TOMT: variants seen among roughly 807,000 people sequenced by gnomAD.
The protein encoded by TOMT is transmembrane O-methyltransferase.
In TOMT, 23 loss-of-function variants were observed where a neutral mutation model predicts 21.7. That is an observed-to-expected ratio of 1.06 (90% CI 0.76 to 1.50). The LOEUF (loss-of-function observed/expected upper bound fraction) is 1.50. Among genes scored for constraint, TOMT ranks in the 40% most tolerant of loss-of-function variants. TOMT has a pLI of 0.00. For synonymous variants in TOMT, 132 were observed against 150.8 expected (o/e 0.88, Z 0.91); for missense variants, 331 against 348.7 (o/e 0.95, Z 0.41).
chr11:72,109,087 C>A, exon 3 of TOMT: 1 of 636,182 alleles, frequency 1.6e-6, no homozygotes, highest in Non-Finnish European at 2.7e-6. Context: ...CTACACTGAC[C>A]TCAAGTGTCA....
At chr11:72,107,580 C>T (rs1945806455) in intron 1 of TOMT, 1 of 699,720 alleles carries the variant, frequency 1.4e-6, no homozygotes, top group Non-Finnish European at 2.6e-6. Flanking sequence ...ATACAGGCCA[C>T]AGGTGGGAAG....
chr11:72,106,132 G>A (rs1162451709), exon 1 of TOMT: 1 of 1,543,944 alleles, frequency 6.5e-7, no homozygotes, highest in East Asian at 2.5e-5. Flanking sequence ...CCTGCCCGGT[G>A]ACCCTGGTCA....
chr11:72,108,016 G>A (rs373795090), exon 2 of TOMT: 44 of 1,551,568 alleles, frequency 2.8e-5, no homozygotes, highest in South Asian at 1.9e-4. Context: ...CTTATTGCCC[G>A]AGCCCTGCCC....
chr11:72,107,873 G>T, intron 1 of TOMT, 50 bp from the exon 2 acceptor site: 1 of 1,542,696 alleles, frequency 6.5e-7, no homozygotes, highest in Non-Finnish European at 8.8e-7. Flanking sequence ...TTTATCAGGG[G>T]CCCTGCATCC....
intron 1 of TOMT, among the ~76,000 whole-genome samples, 158 bp from the exon 2 acceptor site, chr11:72,107,765 C>T (rs1047595090): frequency 1.8e-4 from 28 of 152,104 alleles, no homozygotes; most frequent in African/African-American, 6.8e-4. Flanking sequence ...CTGTAGGAGA[C>T]GGGGACCAGG....
intron 2 of TOMT, 130 bp downstream of exon 2, chr11:72,108,249 T>G (rs897534057): frequency 2.6e-6 from 2 of 775,054 alleles, no homozygotes; most frequent in African/African-American, 3.5e-5. Context: ...CTGGATGGTG[T>G]GTGAGCTCCT....
chr11:72,106,165 T>C lies in TOMT; in HGVS notation c.214T>C (p.Trp72Arg), dbSNP rs137853186. 1 of 1,523,676 alleles carries C rather than the reference T, an allele frequency of 6.6e-7. No individual in the cohort carries two copies. The highest frequency in any genetic ancestry group is 8.8e-7 in the Non-Finnish European group (1 of 1,131,226). 94.4% of individuals were successfully genotyped at this position (1,523,676 alleles called of 1,614,324 possible). A position where few individuals can be genotyped will look rare whatever the true frequency, so the allele number is the denominator to read the frequency against. Residue 72 changes from tryptophan (W) to arginine (R), a missense_variant, in exon 1 of 3, where the codon TGG becomes CGG. Coordinates refer to ENST00000541899, the Ensembl canonical transcript of TOMT. ...TCACATCCTCACCACCCTGGACCACTGGAGCAGCCGCTGCGAGTACTTGAG... is the reference window on the plus strand; with the variant it reads ...TCACATCCTCACCACCCTGGACCACCGGAGCAGCCGCTGCGAGTACTTGAG...
At chr11:72,108,635 G>C in exon 3 of TOMT, 1 of 1,495,734 alleles carries the variant, frequency 6.7e-7, no homozygotes. Flanking sequence ...CTCAGAGGAC[G>C]TGATCCCGTG....
intron 1 of TOMT, chr11:72,107,556 T>C (rs1333048734): frequency 2.8e-6 from 2 of 702,260 alleles, no homozygotes; most frequent in Non-Finnish European, 5.2e-6. Flanking sequence ...GCACAGTTGT[T>C]TGGGATGGCT....
chr11:72,108,012 G>A (rs759846282), exon 2 of TOMT: 1 of 1,551,640 alleles, frequency 6.4e-7, no homozygotes, highest in South Asian at 1.2e-5. Flanking sequence ...CCTGCTTATT[G>A]CCCGAGCCCT....
At chr11:72,106,317 T>C (rs1305582504) in intron 1 of TOMT, 107 bp downstream of exon 1, 1 of 1,214,698 alleles carries the variant, frequency 8.2e-7, no homozygotes, top group African/African-American at 1.5e-5. Context: ...TTCTTGATCC[T>C]CTTTTAGGGC....
chr11:72,108,603 A>T lies in TOMT; in HGVS notation c.457-2A>T, dbSNP rs1591193815. On this transcript the variant is annotated splice_acceptor_variant, in intron 2 of 2. Coordinates refer to ENST00000541899, the Ensembl canonical transcript of TOMT. LOFTEE classifies it high-confidence loss of function. ...CACCTCCAGCTCCCCCTATCCCCAC[A>T]GGTGGAGCTCATCGTGGGCAGCTCA... 5 of 1,451,360 alleles carry T rather than the reference A, an allele frequency of 3.4e-6. No homozygotes were observed. In the East Asian group the frequency reaches 1.3e-4, roughly 37 times the overall value. 89.9% of individuals were successfully genotyped at this position (1,451,360 alleles called of 1,614,324 possible). A position where few individuals can be genotyped will look rare whatever the true frequency, so the allele number is the denominator to read the frequency against.
chr11:72,109,009 G>A (rs1946047132), exon 3 of TOMT: 2 of 1,258,058 alleles, frequency 1.6e-6, no homozygotes, highest in South Asian at 3.1e-5. Context: ...TTTCCTGTTT[G>A]GGGCCTTGAC....
chr11:72,108,241 G>A lies in TOMT; in HGVS notation c.456+122G>A, dbSNP rs114709976. On this transcript the variant is annotated intron_variant, in intron 2 of 2. Transcript: ENST00000541899. ...CCTCCACTCTGGGGACTGTGATGCT[G>A]GATGGTGTGTGAGCTCCTGCCCTCC... 2.1e-3 allele frequency: 1,876 copies of A among 875,062 alleles called. 21 individuals are homozygous for A. The African/African-American group carries it at 0.028, about 13-fold the overall frequency. The allele number at this position is 875,062 out of a possible 1,614,324, so 54.2% of individuals were successfully genotyped here. A position where few individuals can be genotyped will look rare whatever the true frequency, so the allele number is the denominator to read the frequency against.
At position 72,108,655 on chromosome 11, in the gene TOMT, C is replaced by T. The variant is rs1295346495; in HGVS notation, c.507C>T (p.Thr169=). Reference sequence around the variant, plus strand: ...AGGACGTGATCCCGTGCCTACGCACCCAGTATCAGCTGAGTCGGGCAGACC... The same window carrying T: ...AGGACGTGATCCCGTGCCTACGCACTCAGTATCAGCTGAGTCGGGCAGACC... The change falls in exon 3 of 3, where the codon ACC becomes ACT. Residue 169 remains threonine, a synonymous_variant. Transcript: ENST00000541899. 2.6e-6 allele frequency: 4 copies of T among 1,518,396 alleles called. No homozygotes were observed. In the Admixed American group the frequency reaches 8.2e-5, roughly 31 times the overall value. 94.1% of individuals were successfully genotyped at this position (1,518,396 alleles called of 1,614,324 possible).
chr11:72,106,003 G>A, exon 1 of TOMT: 1 of 1,550,908 alleles, frequency 6.4e-7, no homozygotes, highest in East Asian at 2.4e-5. Context: ...AACATTGCTG[G>A]TGCGGTACCG....
intron 1 of TOMT, 41 bp downstream of exon 1, chr11:72,106,251 A>G (rs1450781003): frequency 1.7e-5 from 24 of 1,416,356 alleles, no homozygotes; most frequent in Admixed American, 2.7e-5. Context: ...AGTACCCCCA[A>G]GACAGTGAAG....
chr11:72,109,393 C>G (rs1269751651), downstream of TOMT: 8 of 460,100 alleles, frequency 1.7e-5, no homozygotes, highest in Non-Finnish European at 3.0e-5. Flanking sequence ...GCAGGAATAG[C>G]TGGATGCAAG....
At position 72,106,128 on chromosome 11, in the gene TOMT, C is replaced by T. The variant is rs886048629; in HGVS notation, c.177C>T (p.Pro59=). The T allele has an allele frequency of 3.8e-5, 58 of 1,544,810 alleles. No homozygotes were observed. The highest frequency in any genetic ancestry group is 4.9e-5 in the East Asian group (2 of 40,840). Reference sequence around the variant, plus strand: ...GCTACGTGCTCACCCATGCCCTGCCCGGTGACCCTGGTCACATCCTCACCA... The same window carrying T: ...GCTACGTGCTCACCCATGCCCTGCCTGGTGACCCTGGTCACATCCTCACCA... Residue 59 remains proline, a synonymous_variant, in exon 1 of 3, where the codon CCC becomes CCT. Coordinates refer to ENST00000541899, the Ensembl canonical transcript of TOMT.
Sources: gnomAD v4.1 joint callset for allele counts (sites outside exome capture counted in the v4.1 genomes callset) on GRCh38, gnomAD v4.1.1 for gene constraint, MANE v1.5 for transcripts, NCBI Gene and HGNC (gene_info 2026-07-23, HGNC 2026-07-21) for gene names.